The following GPHN variants were observed in gnomAD, a reference collection of about 807,000 sequenced individuals.
The protein encoded by GPHN is gephyrin.
Under a neutral mutation model 95.5 loss-of-function variants are expected in GPHN, and 17 were observed. The ratio of observed to expected loss-of-function variants is 0.18; its 90% CI spans 0.12 to 0.27. GPHN has a LOEUF of 0.27. Ranked by LOEUF, GPHN falls within the 10% of genes least tolerant of loss-of-function variation. The pLI, the probability that GPHN is intolerant of heterozygous loss-of-function variation, is 1.00. For missense variants in GPHN, 660 were observed against 978.1 expected (o/e 0.67, Z 4.34); for synonymous variants, 320 against 322.5 (o/e 0.99, Z 0.08).
the GPHN span, among the ~76,000 whole-genome samples, chr14:67,324,353 CTT>C: frequency 6.6e-6 from 1 of 152,100 alleles, no homozygotes; most frequent in East Asian, 1.9e-4. Context: ...ACAGCATTGA[CTT>C]TTTATTTAAA....
Position 66,648,510 on chromosome 14 carries a change from C to T in GPHN, c.65-32597C>T, listed in dbSNP as rs113225210. 3.6e-3 allele frequency among the ~76,000 whole-genome samples: 555 copies of T among 152,222 alleles called. 12 individuals carry two copies. Among genetic ancestry groups the T allele is most frequent in the African/African-American group, 0.013 (529 of 41,550 alleles). Reference sequence around the variant, plus strand: ...TAATACAGTGTATTTACTGTATTTTCTGTGTTTAGATAGGTATTTACCACT... The same window carrying T: ...TAATACAGTGTATTTACTGTATTTTTTGTGTTTAGATAGGTATTTACCACT... On this transcript the variant is annotated intron_variant, in intron 1 of 22. Coordinates refer to ENST00000478722, the MANE Select transcript of GPHN (RefSeq NM_020806.5).
the GPHN span, among the ~76,000 whole-genome samples, chr14:67,531,902 C>A: frequency 1.7e-5 from 2 of 121,180 alleles, no homozygotes; most frequent in African/African-American, 6.8e-5. Flanking sequence ...ACAAGAAGAA[C>A]CTATGTCCAA....
the GPHN span, chr14:67,320,246 G>A: frequency 6.2e-7 from 1 of 1,611,642 alleles, no homozygotes; most frequent in African/African-American, 1.3e-5. Flanking sequence ...ACAACGAGGA[G>A]ATCTTAACCT....
intron 2 of GPHN, among the ~76,000 whole-genome samples, chr14:66,756,555 G>A (rs1245194244): frequency 2.0e-5 from 3 of 152,006 alleles, no homozygotes; most frequent in African/African-American, 4.8e-5. Flanking sequence ...TTATAGGCAA[G>A]CAATATGGAG....
the GPHN span, chr14:67,473,034 CGGAG>C: frequency 4.4e-6 from 1 of 229,554 alleles, no homozygotes; most frequent in South Asian, 7.6e-5. This position sits in a 1 kb window ranked among gnomAD's most constrained non-coding sequence, Gnocchi z 6.5. Flanking sequence ...AAATCCAGAT[CGGAG>C]GGAGGGAGGT....
intron 2 of GPHN, among the ~76,000 whole-genome samples, chr14:66,751,298 A>G (rs990326846): frequency 1.3e-5 from 2 of 152,022 alleles, no homozygotes; most frequent in Non-Finnish European, 2.9e-5. Flanking sequence ...TGAACCAATT[A>G]TATTCCCACT....
In GPHN at chr14:66,849,783, A is replaced by T. The variant is rs188875419; in HGVS notation, c.294+25217A>T. The stretch of plus-strand genomic sequence containing the variant: ...AATACTGATTGTAACCACAAAGAGG[A>T]GTGTAAAGAATTGGTTGTCAAGAAA... On this transcript the variant is annotated intron_variant, in intron 4 of 22. Coordinates refer to ENST00000478722, the MANE Select transcript of GPHN (RefSeq NM_020806.5). 6.5e-3 allele frequency among the ~76,000 whole-genome samples: 996 copies of T among 152,182 alleles called. 14 individuals carry two copies. The highest frequency in any genetic ancestry group is 0.023 in the African/African-American group (949 of 41,560).
chr14:67,286,343 ATTTCTTCT>A, the GPHN span, among the ~76,000 whole-genome samples: 2 of 151,800 alleles, frequency 1.3e-5, no homozygotes, highest in East Asian at 3.9e-4. Context: ...GGGGAAGGGA[ATTTCTTCT>A]CTCTGTCCTC....
intron 3 of GPHN, among the ~76,000 whole-genome samples, chr14:66,792,893 T>C (rs576367898): frequency 1.3e-5 from 2 of 152,382 alleles, no homozygotes; most frequent in East Asian, 3.9e-4. Context: ...ACTAAAAGTA[T>C]CCCTTATGGG....
the GPHN span, chr14:67,581,893 C>T: frequency 3.3e-6 from 2 of 606,238 alleles, no homozygotes; most frequent in East Asian, 2.9e-5. Flanking sequence ...CATGACCCTG[C>T]ATCTGCTCTG....
chr14:66,644,706 G>A (rs1595380585), intron 1 of GPHN, among the ~76,000 whole-genome samples: 1 of 152,022 alleles, frequency 6.6e-6, no homozygotes, highest in Non-Finnish European at 1.5e-5. Flanking sequence ...TCTATTAAAT[G>A]TATGTGTCAG....
At chr14:67,004,224 A>G (rs2072443265) in intron 9 of GPHN, among the ~76,000 whole-genome samples, 1 of 151,766 alleles carries the variant, frequency 6.6e-6, no homozygotes, top group African/African-American at 2.4e-5. Flanking sequence ...TAGAAAACAT[A>G]CTCTGAGCTT....
At chr14:67,728,459 T>C in the GPHN span, among the ~76,000 whole-genome samples, 9 of 152,150 alleles carry the variant, frequency 5.9e-5, no homozygotes, top group African/African-American at 1.9e-4. Flanking sequence ...GACAGTCCAT[T>C]CCATGTTTTT....
the GPHN span, among the ~76,000 whole-genome samples, chr14:67,266,809 T>TA: frequency 3.3e-5 from 5 of 152,052 alleles, no homozygotes; most frequent in South Asian, 6.2e-4. Flanking sequence ...AGTTATCTTT[T>TA]AAAAAAACTT....
intron 4 of GPHN, among the ~76,000 whole-genome samples, chr14:66,841,694 A>C (rs1012478818): frequency 3.3e-5 from 5 of 152,128 alleles, no homozygotes; most frequent in Non-Finnish European, 5.9e-5. Context: ...TGGTTATGGA[A>C]ACCTGAACTT....
the GPHN span, among the ~76,000 whole-genome samples, chr14:67,537,381 A>ATAATAATAAT: frequency 1.0e-5 from 1 of 98,384 alleles, no homozygotes; most frequent in African/African-American, 4.1e-5. Flanking sequence ...AATAATAATA[A>ATAATAATAAT]AAACTTAATC....
intron 2 of GPHN, among the ~76,000 whole-genome samples, chr14:66,702,681 A>T (rs1286626691): frequency 1.3e-5 from 2 of 152,232 alleles, no homozygotes; most frequent in African/African-American, 4.8e-5. Context: ...GAAATTAGAC[A>T]AACTCATGAA....
the GPHN span, among the ~76,000 whole-genome samples, chr14:67,708,268 T>C: frequency 6.6e-6 from 1 of 152,196 alleles, no homozygotes; most frequent in Non-Finnish European, 1.5e-5. Context: ...GTTAAAAATA[T>C]TACTTTAGTC....
the GPHN span, among the ~76,000 whole-genome samples, chr14:67,490,819 A>G: frequency 6.6e-6 from 1 of 152,084 alleles, no homozygotes; most frequent in Non-Finnish European, 1.5e-5. Context: ...ATCTCCCTGT[A>G]AAGGAAAAAA....
Sources: gnomAD v4.1 joint callset for allele counts (sites outside exome capture counted in the v4.1 genomes callset) on GRCh38, gnomAD v4.1.1 for gene constraint, Gnocchi (gnomAD v3.1) non-coding constraint, MANE v1.5 for transcripts, NCBI Gene and HGNC (gene_info 2026-07-23, HGNC 2026-07-21) for gene names.